Variants in RDX observed in about 807,000 individuals in gnomAD.
The protein encoded by RDX is radixin.
Under a neutral mutation model 83.7 loss-of-function variants are expected in RDX, and 32 were observed. The observed-to-expected ratio is 0.38, with a 90% CI of 0.29 to 0.51. The LOEUF (loss-of-function observed/expected upper bound fraction) is 0.51. RDX is among the 20% of genes least tolerant of loss of function. The probability of loss-of-function intolerance (pLI) is 0.87; values close to 1 mark genes in which losing one functional copy is unlikely to be tolerated. For missense variants in RDX, 600 were observed against 689.9 expected (o/e 0.87, Z 1.46); for synonymous variants, 229 against 222.7 (o/e 1.03, Z -0.25).
At chr11:110,247,238 T>C (rs1859149182) in intron 10 of RDX, among the ~76,000 whole-genome samples, 1 of 152,168 alleles carries the variant, frequency 6.6e-6, no homozygotes, top group Non-Finnish European at 1.5e-5. Context: ...TATTTTCTAG[T>C]AGAATAAAGT....
At chr11:110,177,586 A>C (rs1862801579) in intron 15 of RDX, among the ~76,000 whole-genome samples, 1 of 151,864 alleles carries the variant, frequency 6.6e-6, no homozygotes, top group African/African-American at 2.4e-5. Flanking sequence ...CCTTTGCCTC[A>C]CCTTTGTCCC....
chr11:110,220,149 A>T (rs1296653109), intron 14 of RDX, among the ~76,000 whole-genome samples: 1 of 152,210 alleles, frequency 6.6e-6, no homozygotes, highest in Non-Finnish European at 1.5e-5. Flanking sequence ...ATACCTTCTA[A>T]GAGAATCATA....
rs555927202 is a variant in RDX at position 110,271,724 on chromosome 11, T to C, written c.96+812A>G. On this transcript the variant is annotated intron_variant, in intron 3 of 13. Coordinates refer to ENST00000645495, the MANE Select transcript of RDX (RefSeq NM_002906.4). The stretch of plus-strand genomic sequence containing the variant: ...CTGAGAAGAAAGATAAGATCAGTAG[T>C]CCCAGTTCCTTAACATACCGGATAC... 4.6e-5 allele frequency among the ~76,000 whole-genome samples: 7 copies of C among 152,192 alleles called. No individual in the cohort carries two copies. The South Asian group carries it at 1.2e-3, about 27-fold the overall frequency.
chr11:110,249,005 T>C (rs1239270649), intron 9 of RDX, among the ~76,000 whole-genome samples: 2 of 152,182 alleles, frequency 1.3e-5, no homozygotes. Context: ...GCACCTGCCA[T>C]GGGCCTGATG....
At chr11:110,264,506 A>G (rs1859939371) in intron 4 of RDX, among the ~76,000 whole-genome samples, 1 of 152,138 alleles carries the variant, frequency 6.6e-6, no homozygotes, top group Admixed American at 6.5e-5. Flanking sequence ...TTTACATCAA[A>G]ATTGAAGTAC....
intron 5 of RDX, among the ~76,000 whole-genome samples, chr11:110,261,928 T>C (rs1234903058): frequency 6.6e-6 from 1 of 152,208 alleles, no homozygotes; most frequent in Non-Finnish European, 1.5e-5. Flanking sequence ...GTAAGCCAAT[T>C]ACTTCATCTG....
intron 15 of RDX, among the ~76,000 whole-genome samples, chr11:110,191,351 A>G (rs1357450012): frequency 6.6e-6 from 1 of 152,274 alleles, no homozygotes; most frequent in Non-Finnish European, 1.5e-5. Context: ...CAGATGCAGA[A>G]AAATCTTTTG....
intron 3 of RDX, among the ~76,000 whole-genome samples, chr11:110,268,630 C>T (rs1281787469): frequency 6.6e-6 from 1 of 152,156 alleles, no homozygotes. Flanking sequence ...AGATGCCCCA[C>T]AGTGGGCACA....
chr11:110,217,085 A>G (rs1160921986), intron 14 of RDX, among the ~76,000 whole-genome samples: 1 of 152,092 alleles, frequency 6.6e-6, no homozygotes, highest in Admixed American at 6.5e-5. Flanking sequence ...ATTTGCATCT[A>G]CCATCTTGAT....
chr11:110,191,593 C>T (rs1025373719), intron 15 of RDX, among the ~76,000 whole-genome samples: 3 of 152,216 alleles, frequency 2.0e-5, no homozygotes, highest in Non-Finnish European at 4.4e-5. Flanking sequence ...CAGTGGCTCA[C>T]GCCTGTAATC....
At chr11:110,273,575 T>A (rs905559970) in intron 2 of RDX, among the ~76,000 whole-genome samples, 14 of 152,364 alleles carry the variant, frequency 9.2e-5, no homozygotes, top group African/African-American at 3.4e-4. Context: ...CCGCCAGGCC[T>A]AGCTCCAAAC....
chr11:110,278,839 A>G (rs1382240647), intron 2 of RDX, among the ~76,000 whole-genome samples: 1 of 150,784 alleles, frequency 6.6e-6, no homozygotes, highest in African/African-American at 2.4e-5. Context: ...TAAAATTATA[A>G]TTGGCCAAAA....
At chr11:110,286,171 A>T (rs1860971791) in intron 1 of RDX, among the ~76,000 whole-genome samples, 1 of 152,128 alleles carries the variant, frequency 6.6e-6, no homozygotes, top group Non-Finnish European at 1.5e-5. Flanking sequence ...CCTCTTTTCC[A>T]TACCTACTTC....
intron 1 of RDX, among the ~76,000 whole-genome samples, chr11:110,296,086 C>T (rs1861444522): frequency 6.6e-6 from 1 of 152,242 alleles, no homozygotes; most frequent in Admixed American, 6.5e-5. Flanking sequence ...GGCCCGGGGC[C>T]CAGTCCAGGC....
chr11:110,239,882 G>A (rs916756848), intron 10 of RDX, among the ~76,000 whole-genome samples: 1 of 150,740 alleles, frequency 6.6e-6, no homozygotes, highest in Non-Finnish European at 1.5e-5. Context: ...TGCTGGCGGG[G>A]ATGTAGAGAA....
chr11:110,245,357 C>T (rs2134334436), intron 10 of RDX, among the ~76,000 whole-genome samples: 1 of 152,236 alleles, frequency 6.6e-6, no homozygotes, highest in East Asian at 1.9e-4. Flanking sequence ...CACTTGAGCC[C>T]AGGAGTTTGA....
At chr11:110,209,327 C>T (rs1338168659) in intron 14 of RDX, among the ~76,000 whole-genome samples, 4 of 151,198 alleles carry the variant, frequency 2.6e-5, no homozygotes, top group Non-Finnish European at 4.4e-5. Context: ...GCACCTGGCT[C>T]GGAGGGTCCT....
chr11:110,247,429 T>C (rs1486916474), intron 10 of RDX, among the ~76,000 whole-genome samples: 4 of 152,126 alleles, frequency 2.6e-5, no homozygotes, highest in Non-Finnish European at 5.9e-5. Context: ...TTTACAATTA[T>C]TTAAGAATAC....
intron 1 of RDX, among the ~76,000 whole-genome samples, chr11:110,283,471 C>A (rs779839580): frequency 3.9e-5 from 6 of 151,926 alleles, no homozygotes; most frequent in Admixed American, 1.3e-4. Context: ...TAATTTCTTA[C>A]GATGAAAAAA....
Sources: gnomAD v4.1 joint callset for allele counts (sites outside exome capture counted in the v4.1 genomes callset) on GRCh38, gnomAD v4.1.1 for gene constraint, MANE v1.5 for transcripts, NCBI Gene and HGNC (gene_info 2026-07-23, HGNC 2026-07-21) for gene names.